Variants in FARS2 observed in about 807,000 individuals in gnomAD.
The protein encoded by FARS2 is phenylalanine--tRNA ligase, mitochondrial.
FARS2 carries 40 observed loss-of-function variants against 46.4 expected under a neutral mutation model. The observed-to-expected ratio is 0.86, with a 90% confidence interval of 0.67 to 1.12. FARS2 has a LOEUF of 1.12. Ranked by LOEUF, FARS2 falls within the 50% of genes most tolerant of loss-of-function variation. The pLI is 0.00. For synonymous variants in FARS2, 234 were observed against 214.9 expected, an observed-to-expected ratio of 1.09 and a Z score of -0.78; for missense variants, 513 against 567.9, an observed-to-expected ratio of 0.90 and a Z score of 0.98.
rs922375747 is a variant in FARS2 at position 5,727,933 on chromosome 6, G to A, written c.1218-43358G>A. ...CTGGGAGGGCCACCAGGTGAATGAC[G>A]CTGTTAGAGGGGAAGTGTTGGGGTG... On this transcript the variant is annotated intron_variant, in intron 6 of 6. Transcript: ENST00000274680. The surrounding 1 kb of genome is among the most constrained non-coding windows in gnomAD (Gnocchi z 4.1). Among the ~76,000 whole-genome samples, 1 of 152,204 alleles carries A rather than the reference G, an allele frequency of 6.6e-6. No individual in the cohort carries two copies. The highest frequency in any genetic ancestry group is 1.9e-4 in the East Asian group (1 of 5,196).
At chr6:5,573,322 T>C (rs577023174) in intron 5 of FARS2, among the ~76,000 whole-genome samples, 27 of 152,350 alleles carry the variant, frequency 1.8e-4, no homozygotes, top group Non-Finnish European at 3.1e-4. Flanking sequence ...GCAACTTTTA[T>C]TGAGTGCTTA....
intron 1 of FARS2, among the ~76,000 whole-genome samples, chr6:5,353,731 T>TG (rs1289785426): frequency 9.4e-5 from 12 of 127,600 alleles, no homozygotes; most frequent in African/African-American, 3.1e-4. Context: ...TTGGTGTTTT[T>TG]TTTTTTTTTT....
At chr6:5,444,501 AGAGAGAGAGAGAGG>A (rs1299048590) in intron 4 of FARS2, among the ~76,000 whole-genome samples, 2 of 109,332 alleles carry the variant, frequency 1.8e-5, no homozygotes, top group African/African-American at 4.1e-5. Context: ...AAAGAGAGAG[AGAGAGAGAGAGAGG>A]AAAAAATCTT....
intron 1 of FARS2, among the ~76,000 whole-genome samples, chr6:5,315,760 T>TCCTTTCTTTCTTTCTC (rs1561952063): frequency 1.3e-5 from 2 of 152,018 alleles, no homozygotes; most frequent in African/African-American, 2.4e-5. Context: ...CTTTCTTTCT[T>TCCTTTCTTTCTTTCTC]TTTTTTGGGG....
In FARS2 at chr6:5,765,392, T is replaced by C. The variant is rs1419758496; in HGVS notation, c.1218-5899T>C. 6.6e-6 allele frequency among the ~76,000 whole-genome samples: 1 copy of C among 152,186 alleles called. No individual in the cohort carries two copies. Among genetic ancestry groups the C allele is most frequent in the Non-Finnish European group, 1.5e-5 (1 of 68,024 alleles). On this transcript the variant is annotated intron_variant, in intron 6 of 6. Transcript: ENST00000274680. The surrounding 1 kb of genome is among the most constrained non-coding windows in gnomAD (Gnocchi z 4.0). ...CAGAAGGGGAGCTGACGGGCGGCAG[T>C]GGGAGAGTGGAAGAGGTGGGCCCTG...
chr6:5,439,921 A>G (rs1763746396), intron 4 of FARS2, among the ~76,000 whole-genome samples: 1 of 152,104 alleles, frequency 6.6e-6, no homozygotes, highest in South Asian at 2.1e-4. Flanking sequence ...GTGCCCATTC[A>G]GAAAAGCAAA....
At chr6:5,593,087 G>A in intron 5 of FARS2, among the ~76,000 whole-genome samples, 1 of 152,152 alleles carries the variant, frequency 6.6e-6, no homozygotes, top group East Asian at 1.9e-4. Context: ...TAGAAAGGGT[G>A]AGCCGACCAA....
chr6:5,523,657 C>T (rs375848643), intron 4 of FARS2, among the ~76,000 whole-genome samples: 19 of 152,302 alleles, frequency 1.2e-4, no homozygotes, highest in African/African-American at 4.3e-4. Flanking sequence ...ACAGCTGCGG[C>T]GTGCTTGGGT....
At chr6:5,517,170 C>T (rs1768855822) in intron 4 of FARS2, among the ~76,000 whole-genome samples, 1 of 152,098 alleles carries the variant, frequency 6.6e-6, no homozygotes, top group South Asian at 2.1e-4. Flanking sequence ...GAAAAAAGAA[C>T]AAAGGTGTAA....
At chr6:5,467,814 T>C (rs1042475304) in intron 4 of FARS2, among the ~76,000 whole-genome samples, 10 of 152,210 alleles carry the variant, frequency 6.6e-5, no homozygotes, top group Non-Finnish European at 1.5e-4. Flanking sequence ...CTTACCATTT[T>C]ATGGTTCTAT....
chr6:5,693,590 C>G (rs935920196), intron 6 of FARS2, among the ~76,000 whole-genome samples: 4 of 152,204 alleles, frequency 2.6e-5, no homozygotes, highest in Admixed American at 1.3e-4. Context: ...TGCCATGTAA[C>G]AAACTGCCTC....
intron 6 of FARS2, among the ~76,000 whole-genome samples, chr6:5,694,696 G>A (rs1483662148): frequency 1.3e-5 from 2 of 152,020 alleles, no homozygotes; most frequent in African/African-American, 2.4e-5. Flanking sequence ...GAAAAAGGAG[G>A]AATCCTATAT....
At chr6:5,281,157 G>C (rs1247807450) in intron 1 of FARS2, among the ~76,000 whole-genome samples, 2 of 152,186 alleles carry the variant, frequency 1.3e-5, no homozygotes, top group Non-Finnish European at 2.9e-5. Context: ...ATTGGTCATA[G>C]AGTCTAAAAG....
At chr6:5,653,677 T>C (rs536263379) in intron 6 of FARS2, among the ~76,000 whole-genome samples, 28 of 152,308 alleles carry the variant, frequency 1.8e-4, no homozygotes, top group Non-Finnish European at 2.9e-5. Context: ...ATTTGCACTA[T>C]TGGAATTATA....
intron 1 of FARS2, among the ~76,000 whole-genome samples, chr6:5,323,309 G>T (rs1424703990): frequency 6.6e-6 from 1 of 151,986 alleles, no homozygotes; most frequent in Non-Finnish European, 1.5e-5. Context: ...AGACCGACTG[G>T]GTCATTTAAA....
At chr6:5,366,223 G>A (rs1187460117) in intron 1 of FARS2, among the ~76,000 whole-genome samples, 1 of 152,156 alleles carries the variant, frequency 6.6e-6, no homozygotes, top group Admixed American at 6.5e-5. Context: ...TATATTCTTT[G>A]TTGGTAAAGT....
intron 1 of FARS2, among the ~76,000 whole-genome samples, chr6:5,317,673 G>T (rs556623255): frequency 6.5e-4 from 99 of 152,118 alleles, no homozygotes; most frequent in Non-Finnish European, 1.3e-3. Context: ...GCAGCTACTC[G>T]GAGGGCGGAG....
chr6:5,607,021 T>C (rs926312), intron 5 of FARS2, among the ~76,000 whole-genome samples: 35,428 of 151,978 alleles, frequency 0.23, 4,371 homozygotes, highest in African/African-American at 0.29. Flanking sequence ...ACAAGTTTTA[T>C]GAAAACTCCA....
At chr6:5,456,488 C>T (rs1045799003) in intron 4 of FARS2, among the ~76,000 whole-genome samples, 2 of 151,928 alleles carry the variant, frequency 1.3e-5, no homozygotes, top group African/African-American at 4.8e-5. Flanking sequence ...AATCCCAACA[C>T]TTTGGGAGGC....
Sources: allele counts gnomAD v4.1 joint callset (sites outside exome capture counted in the v4.1 genomes callset), GRCh38; gene constraint gnomAD v4.1.1; non-coding constraint Gnocchi (gnomAD v3.1); transcripts MANE v1.5; gene names NCBI Gene and HGNC (gene_info 2026-07-23, HGNC 2026-07-21).